CAMTA1: variants seen among roughly 807,000 people sequenced by gnomAD.
The protein encoded by CAMTA1 is calmodulin-binding transcription activator 1.
In CAMTA1, 27 loss-of-function variants were observed where a neutral mutation model predicts 170.9. The ratio of observed to expected loss-of-function variants is 0.16; its 90% confidence interval spans 0.12 to 0.22. The LOEUF is 0.22. Ranked by LOEUF, CAMTA1 falls within the 10% of genes least tolerant of loss-of-function variation. The pLI is 1.00. For synonymous variants in CAMTA1, 833 were observed against 891.5 expected, an observed-to-expected ratio of 0.93 and a Z score of 1.17; for missense variants, 1,619 against 2,217.2, an observed-to-expected ratio of 0.73 and a Z score of 5.42.
intron 3 of CAMTA1, among the ~76,000 whole-genome samples, chr1:6,875,518 C>A (rs998654135): frequency 1.3e-5 from 2 of 152,094 alleles, no homozygotes; most frequent in African/African-American, 4.8e-5. Context: ...CTTTCCTGAC[C>A]TCGTGATTTG....
rs576163360 is a variant in CAMTA1 at position 6,973,503 on chromosome 1, C to T, written c.235-117801C>T. 4.6e-5 allele frequency among the ~76,000 whole-genome samples: 7 copies of T among 152,330 alleles called. No homozygotes were observed. The South Asian group carries it at 8.3e-4, about 18-fold the overall frequency. ...AATATTCTACCATGTGTATATCCCA[C>T]GCTCCCTTTATGCACGCATCTGTTG... On this transcript the variant is annotated intron_variant, in intron 3 of 22. Coordinates refer to ENST00000303635, the MANE Select transcript of CAMTA1 (RefSeq NM_015215.4).
rs749959453 is a variant in CAMTA1 at position 6,918,606 on chromosome 1, G to A, written c.234+93396G>A. On this transcript the variant is annotated intron_variant, in intron 3 of 22. Transcript: ENST00000303635. The surrounding 1 kb of genome is among the most constrained non-coding windows in gnomAD (Gnocchi z 4.0). ...ACCATCAACGCCAGCCTGCCTTGCC[G>A]ACAGCACCTCCCGAGGAACTCAGAA... Among the ~76,000 whole-genome samples the A allele has an allele frequency of 1.3e-5, 2 of 152,208 alleles. No individual in the cohort carries two copies. Among genetic ancestry groups the A allele is most frequent in the African/African-American group, 2.4e-5 (1 of 41,450 alleles).
chr1:7,629,814 G>T (rs2095656713), intron 6 of CAMTA1, among the ~76,000 whole-genome samples: 1 of 151,658 alleles, frequency 6.6e-6, no homozygotes, highest in Non-Finnish European at 1.5e-5. Flanking sequence ...GCCCTTTCTG[G>T]TCCCTGCAAC....
At chr1:6,865,538 G>A (rs1449897032) in intron 3 of CAMTA1, among the ~76,000 whole-genome samples, 2 of 152,114 alleles carry the variant, frequency 1.3e-5, no homozygotes, top group Non-Finnish European at 1.5e-5. Flanking sequence ...ACCTCTACCC[G>A]TCTGCAAAAA....
Position 6,997,656 on chromosome 1 carries a change from C to CTTTTTTTTTTTTTT in CAMTA1, c.235-93645_235-93644insTTTTTTTTTTTTTT, listed in dbSNP as rs201500847. ...CTGTTTTCCATATTTCCTTTCTTTTCTTTCTTTTTTTTTTTTTTTTTGAGA... is the reference window on the plus strand; with the variant it reads ...CTGTTTTCCATATTTCCTTTCTTTTCTTTTTTTTTTTTTTTTTCTTTTTTTTTTTTTTTTTGAGA... On this transcript the variant is annotated intron_variant, in intron 3 of 22. Transcript: ENST00000303635. Among the ~76,000 whole-genome samples the CTTTTTTTTTTTTTT allele has an allele frequency of 1.0e-3, 133 of 128,322 alleles. 3 individuals are homozygous for CTTTTTTTTTTTTTT. Among genetic ancestry groups the CTTTTTTTTTTTTTT allele is most frequent in the African/African-American group, 2.1e-3 (63 of 30,382 alleles). 84.2% of individuals were successfully genotyped at this position (128,322 alleles called of 152,430 possible). A position where few individuals can be genotyped will look rare whatever the true frequency, so the allele number is the denominator to read the frequency against.
At chr1:7,632,021 G>T (rs12117212) in intron 6 of CAMTA1, among the ~76,000 whole-genome samples, 28,522 of 151,924 alleles carry the variant, frequency 0.19, 3,339 homozygotes, top group African/African-American at 0.32. Context: ...GCCCAGTGTC[G>T]CCCAGTGCCG....
intron 11 of CAMTA1, among the ~76,000 whole-genome samples, chr1:7,715,998 G>A (rs1472542035): frequency 2.0e-5 from 3 of 152,172 alleles, no homozygotes; most frequent in African/African-American, 7.2e-5. Flanking sequence ...CTATTTATCA[G>A]AAGGGTCTAT....
intron 6 of CAMTA1, among the ~76,000 whole-genome samples, chr1:7,525,227 G>A (rs1255187247): frequency 3.3e-5 from 5 of 151,262 alleles, no homozygotes; most frequent in African/African-American, 1.2e-4. Flanking sequence ...ACTCTTCTCC[G>A]GGCCGCCCTG....
At chr1:6,903,541 A>G (rs977278367) in intron 3 of CAMTA1, among the ~76,000 whole-genome samples, 1 of 152,236 alleles carries the variant, frequency 6.6e-6, no homozygotes, top group Non-Finnish European at 1.5e-5. Context: ...TGTTGGCATT[A>G]TCCAGTATTT....
At chr1:7,555,538 C>T (rs2094864149) in intron 6 of CAMTA1, among the ~76,000 whole-genome samples, 1 of 152,152 alleles carries the variant, frequency 6.6e-6, no homozygotes, top group Non-Finnish European at 1.5e-5. Context: ...CAGACAGAGC[C>T]AGGGCCTGGA....
At chr1:7,307,129 G>A (rs58957123) in intron 5 of CAMTA1, among the ~76,000 whole-genome samples, 18,227 of 151,868 alleles carry the variant, frequency 0.12, 1,373 homozygotes, top group African/African-American at 0.21. Flanking sequence ...ATTCTTGTTA[G>A]TATTTTGTAA....
Position 7,297,340 on chromosome 1 carries a change from C to T in CAMTA1, c.438+47714C>T, listed in dbSNP as rs149410870. ...GTTTGAATCTTTATTAGAGTTGGTCCATTTTTATTTTGCCCTTATTCCTAG... is the reference window on the plus strand; with the variant it reads ...GTTTGAATCTTTATTAGAGTTGGTCTATTTTTATTTTGCCCTTATTCCTAG... On this transcript the variant is annotated intron_variant, in intron 5 of 22. Transcript: ENST00000303635. Among the ~76,000 whole-genome samples the T allele has an allele frequency of 4.4e-3, 675 of 152,302 alleles. 8 individuals are homozygous for T. Among genetic ancestry groups the T allele is most frequent in the Admixed American group, 0.024 (368 of 15,294 alleles).
intron 4 of CAMTA1, among the ~76,000 whole-genome samples, chr1:7,206,712 A>G (rs1657798984): frequency 1.3e-5 from 2 of 152,188 alleles, no homozygotes; most frequent in South Asian, 2.1e-4. Context: ...AAAGGCGTTA[A>G]TTCTGTTCTC....
chr1:6,886,470 A>G (rs2149107194), intron 3 of CAMTA1: 1 of 364,416 alleles, frequency 2.7e-6, no homozygotes, highest in Non-Finnish European at 5.3e-6. Flanking sequence ...TTTCCTTGTA[A>G]GAAGCCCACA....
intron 4 of CAMTA1, among the ~76,000 whole-genome samples, chr1:7,163,064 G>A (rs146199165): frequency 6.6e-6 from 1 of 152,020 alleles, no homozygotes; most frequent in African/African-American, 2.4e-5. Context: ...TCAAGATTGT[G>A]TAACAATAGT....
At chr1:6,969,657 C>T (rs1692194111) in intron 3 of CAMTA1, among the ~76,000 whole-genome samples, 4 of 152,190 alleles carry the variant, frequency 2.6e-5, no homozygotes, top group Admixed American at 2.6e-4. Context: ...TTTGCAGGCT[C>T]TGTGTCTTCC....
intron 22 of CAMTA1, among the ~76,000 whole-genome samples, chr1:7,764,190 A>C (rs765956722): frequency 1.4e-4 from 21 of 152,194 alleles, no homozygotes; most frequent in Admixed American, 3.3e-4. Flanking sequence ...TATGACCCAA[A>C]TTAATCCATG....
chr1:6,847,566 T>G, intron 3 of CAMTA1, among the ~76,000 whole-genome samples: 1 of 148,310 alleles, frequency 6.7e-6, no homozygotes, highest in African/African-American at 2.5e-5. Context: ...TGAGACAGAG[T>G]CTTACCCTGT....
chr1:7,483,381 G>A (rs1230765004), intron 6 of CAMTA1, among the ~76,000 whole-genome samples: 1 of 152,172 alleles, frequency 6.6e-6, no homozygotes, highest in Non-Finnish European at 1.5e-5. Flanking sequence ...AAGCCACCAC[G>A]GCCAGAGACT....
Sources: allele counts gnomAD v4.1 joint callset (sites outside exome capture counted in the v4.1 genomes callset), GRCh38; gene constraint gnomAD v4.1.1; non-coding constraint Gnocchi (gnomAD v3.1); transcripts MANE v1.5; gene names NCBI Gene and HGNC (gene_info 2026-07-23, HGNC 2026-07-21).